The following RBM47 variants were observed in gnomAD, a reference collection of about 807,000 sequenced individuals.
The protein encoded by RBM47 is RNA binding motif protein 47.
RBM47 carries 21 observed loss-of-function variants against 47.1 expected under a neutral mutation model. That is an observed-to-expected ratio of 0.45 (90% CI 0.32 to 0.64). The LOEUF is 0.64. Among genes scored for constraint, RBM47 ranks in the 30% least tolerant of loss-of-function variants. The pLI, the probability that RBM47 is intolerant of heterozygous loss-of-function variation, is 0.05. For missense variants in RBM47, 708 were observed against 870.9 expected (o/e 0.81, Z 2.35); for synonymous variants, 375 against 361.7 (o/e 1.04, Z -0.42).
At chr4:40,586,841 A>G (rs1285930758) in intron 1 of RBM47, among the ~76,000 whole-genome samples, 58 of 152,170 alleles carry the variant, frequency 3.8e-4, no homozygotes, top group East Asian at 1.9e-4. Context: ...ACAGTGGGTC[A>G]ATCCAAGACA....
intron 2 of RBM47, among the ~76,000 whole-genome samples, chr4:40,535,371 C>CTTTTTTTTTTTTTTTTTCTTT (rs1553897873): frequency 1.1e-4 from 11 of 103,434 alleles, no homozygotes; most frequent in East Asian, 6.2e-4. Context: ...TATGGTATTT[C>CTTTTTTTTTTTTTTTTTCTTT]TTTTTTTTTT....
chr4:40,431,631 C>T (rs1391223389), intron 6 of RBM47, among the ~76,000 whole-genome samples: 3 of 147,596 alleles, frequency 2.0e-5, no homozygotes, highest in Admixed American at 1.4e-4. Context: ...GCGCTCCAGC[C>T]TGGGCGACAG....
At chr4:40,545,702 T>TAAATAAATAAAA (rs1202852135) in intron 1 of RBM47, among the ~76,000 whole-genome samples, 8 of 150,906 alleles carry the variant, frequency 5.3e-5, no homozygotes, top group Non-Finnish European at 8.8e-5. Context: ...AATAAATAAA[T>TAAATAAATAAAA]AAAAGAGAAA....
chr4:40,548,490 G>A (rs1729238215), intron 1 of RBM47, among the ~76,000 whole-genome samples: 1 of 152,188 alleles, frequency 6.6e-6, no homozygotes, highest in Admixed American at 6.5e-5. Flanking sequence ...ATGCAGAGGA[G>A]GGCTAAAGGC....
rs10008180 is a variant in RBM47 at position 40,572,874 on chromosome 4, G to A, written c.-239-28368C>T. Among the ~76,000 whole-genome samples, 472 of 151,836 alleles carry A rather than the reference G, an allele frequency of 3.1e-3. 5 individuals carry two copies. Among genetic ancestry groups the A allele is most frequent in the African/African-American group, 0.011 (450 of 41,452 alleles). On this transcript the variant is annotated intron_variant, in intron 1 of 6. Transcript: ENST00000295971. The stretch of plus-strand genomic sequence containing the variant: ...CACCACAAAATTGCAGAAGTGGGCC[G>A]GATGCGGTAACTCACACCTGGAATC...
intron 1 of RBM47, among the ~76,000 whole-genome samples, chr4:40,557,422 T>C (rs1209243239): frequency 6.6e-6 from 1 of 152,154 alleles, no homozygotes; most frequent in Non-Finnish European, 1.5e-5. Flanking sequence ...GCATGAAGCA[T>C]AGCACCTGCC....
chr4:40,578,404 G>C (rs1340207995), intron 1 of RBM47, among the ~76,000 whole-genome samples: 1 of 152,168 alleles, frequency 6.6e-6, no homozygotes, highest in African/African-American at 2.4e-5. Flanking sequence ...AGTGTTGCCC[G>C]ATTCTAGAAA....
intron 2 of RBM47, among the ~76,000 whole-genome samples, chr4:40,505,628 C>A (rs1019029683): frequency 1.3e-5 from 2 of 151,878 alleles, no homozygotes; most frequent in Admixed American, 6.6e-5. Context: ...TGGCTCACAC[C>A]TGTAATCCCA....
At chr4:40,434,107 T>C (rs1711894220) in intron 5 of RBM47, among the ~76,000 whole-genome samples, 1 of 151,862 alleles carries the variant, frequency 6.6e-6, no homozygotes, top group African/African-American at 2.4e-5. Context: ...TTTCTCCAAC[T>C]GTAGGTACAT....
At chr4:40,591,050 G>A (rs1343062908) in intron 1 of RBM47, among the ~76,000 whole-genome samples, 14 of 152,122 alleles carry the variant, frequency 9.2e-5, no homozygotes, top group African/African-American at 3.4e-4. Flanking sequence ...TGATCCACCT[G>A]CCTCGGCCTC....
At chr4:40,581,548 GGTTT>G (rs1356929954) in intron 1 of RBM47, among the ~76,000 whole-genome samples, 2 of 151,998 alleles carry the variant, frequency 1.3e-5, no homozygotes, top group African/African-American at 2.4e-5. Flanking sequence ...TCATAGAGAT[GGTTT>G]GTTTGGTTTC....
At position 40,614,038 on chromosome 4, in the gene RBM47, A is replaced by G. The variant is rs1267469176; in HGVS notation, c.-240+15358T>C. On this transcript the variant is annotated intron_variant, in intron 1 of 6. Transcript: ENST00000295971. ...GTGACAACCAAAAACATCTCCAGAC[A>G]TTACCAAATGTTCCTTGGAAGACAA... Among the ~76,000 whole-genome samples, 5 of 152,058 alleles carry G rather than the reference A, an allele frequency of 3.3e-5. No individual in the cohort carries two copies. The East Asian group carries it at 9.7e-4, about 29-fold the overall frequency.
At chr4:40,624,437 T>C (rs1336177866) in intron 1 of RBM47, among the ~76,000 whole-genome samples, 1 of 152,204 alleles carries the variant, frequency 6.6e-6, no homozygotes, top group Admixed American at 6.5e-5. Context: ...GATAACAAAC[T>C]AGCCCACAGT....
At chr4:40,528,108 T>A (rs141224873) in intron 2 of RBM47, among the ~76,000 whole-genome samples, 48 of 152,324 alleles carry the variant, frequency 3.2e-4, no homozygotes, top group African/African-American at 1.1e-3. Flanking sequence ...TAAGCGAAGA[T>A]TACTGCCCAT....
chr4:40,582,100 C>T (rs1002515657), intron 1 of RBM47, among the ~76,000 whole-genome samples: 4 of 152,128 alleles, frequency 2.6e-5, no homozygotes, highest in Non-Finnish European at 4.4e-5. Context: ...GAACCCATCT[C>T]GAATCTTCAT....
chr4:40,517,557 C>T (rs1030330249), intron 2 of RBM47, among the ~76,000 whole-genome samples: 4 of 152,178 alleles, frequency 2.6e-5, no homozygotes, highest in African/African-American at 7.2e-5. Flanking sequence ...GACACAAAAT[C>T]TGAATCCAAA....
chr4:40,484,260 G>A (rs780208628), intron 2 of RBM47, among the ~76,000 whole-genome samples: 10 of 152,174 alleles, frequency 6.6e-5, no homozygotes, highest in Non-Finnish European at 1.3e-4. Flanking sequence ...ACACATGTAT[G>A]TTAAATATCT....
At chr4:40,610,610 C>CAAAAAA (rs34149753) in intron 1 of RBM47, among the ~76,000 whole-genome samples, 12 of 52,748 alleles carry the variant, frequency 2.3e-4, no homozygotes, top group Admixed American at 4.6e-4. Flanking sequence ...GACTCCATCT[C>CAAAAAA]AAAAAAAAAA....
chr4:40,587,351 G>T (rs1223194960), intron 1 of RBM47, among the ~76,000 whole-genome samples: 10 of 152,012 alleles, frequency 6.6e-5, no homozygotes, highest in Admixed American at 6.6e-4. Context: ...CAGGGATGGG[G>T]GTTAACACTA....
Sources: allele counts gnomAD v4.1 joint callset (sites outside exome capture counted in the v4.1 genomes callset), GRCh38; gene constraint gnomAD v4.1.1; transcripts MANE v1.5; gene names NCBI Gene and HGNC (gene_info 2026-07-23, HGNC 2026-07-21).